The following CTNNA3 variants were observed in gnomAD, a reference collection of about 807,000 sequenced individuals.
The protein encoded by CTNNA3 is catenin alpha 3, also known as catenin alpha-3.
CTNNA3 carries 76 observed loss-of-function variants against 95.7 expected under a neutral mutation model. That is an observed-to-expected ratio of 0.79 (90% CI 0.66 to 0.96). The LOEUF (loss-of-function observed/expected upper bound fraction) is 0.96. Ranked by LOEUF, CTNNA3 falls within the 40% of genes least tolerant of loss-of-function variation. The probability of loss-of-function intolerance (pLI) is 0.00; values close to 1 mark genes in which losing one functional copy is unlikely to be tolerated. For synonymous variants in CTNNA3, 431 were observed against 374.4 expected (o/e 1.15, Z -1.74); for missense variants, 1,191 against 1,089.8 (o/e 1.09, Z -1.31).
At chr10:67,024,646 C>T (rs549850033) in intron 7 of CTNNA3, among the ~76,000 whole-genome samples, 1 of 152,172 alleles carries the variant, frequency 6.6e-6, no homozygotes, top group Admixed American at 6.5e-5. Context: ...ATGGGTGTAA[C>T]CAGCAAAAGT....
intron 12 of CTNNA3, among the ~76,000 whole-genome samples, chr10:66,353,610 AT>A (rs2092584006): frequency 6.6e-6 from 1 of 152,122 alleles, no homozygotes; most frequent in Admixed American, 6.5e-5. Context: ...ATCTACATAA[AT>A]TAGGTCAGAC....
At chr10:66,601,011 G>T (rs1337690869) in intron 10 of CTNNA3, among the ~76,000 whole-genome samples, 2 of 151,684 alleles carry the variant, frequency 1.3e-5, no homozygotes, top group African/African-American at 4.8e-5. Flanking sequence ...TTTAACTTTG[G>T]AGTAGTCACC....
intron 9 of CTNNA3, among the ~76,000 whole-genome samples, chr10:66,743,451 G>A (rs965115407): frequency 6.6e-6 from 1 of 152,092 alleles, no homozygotes. Context: ...AATATTTTCT[G>A]AAAATATGAG....
chr10:67,588,921 C>A (rs1156442935), intron 3 of CTNNA3, among the ~76,000 whole-genome samples: 1 of 151,620 alleles, frequency 6.6e-6, no homozygotes, highest in Admixed American at 6.6e-5. Flanking sequence ...AATCTCTTTA[C>A]TTTTTTTCCT....
intron 3 of CTNNA3, among the ~76,000 whole-genome samples, chr10:67,582,671 C>T (rs556680009): frequency 5.0e-4 from 76 of 150,992 alleles, no homozygotes; most frequent in Middle Eastern, 3.4e-3. Context: ...TTTAAGTCTC[C>T]CATTATTATT....
intron 7 of CTNNA3, among the ~76,000 whole-genome samples, chr10:67,172,872 G>T (rs1862076246): frequency 6.6e-6 from 1 of 151,918 alleles, no homozygotes; most frequent in African/African-American, 2.4e-5. Context: ...CTGCTCGAAA[G>T]GCTGAGGCAG....
At chr10:67,253,802 A>C (rs558731750) in intron 5 of CTNNA3, among the ~76,000 whole-genome samples, 2 of 152,338 alleles carry the variant, frequency 1.3e-5, no homozygotes, top group South Asian at 2.1e-4. Context: ...GCACAATACC[A>C]AGGCCAAATT....
intron 5 of CTNNA3, among the ~76,000 whole-genome samples, chr10:67,358,167 A>G (rs1360273957): frequency 2.0e-5 from 3 of 152,164 alleles, no homozygotes; most frequent in Non-Finnish European, 4.4e-5. Context: ...TTTAGAGTTA[A>G]TACTTTAACT....
At chr10:66,837,000 T>A (rs1454691168) in intron 7 of CTNNA3, among the ~76,000 whole-genome samples, 1 of 152,128 alleles carries the variant, frequency 6.6e-6, no homozygotes. Context: ...AGCCTTTGAA[T>A]AATCAAAAGG....
intron 5 of CTNNA3, among the ~76,000 whole-genome samples, chr10:67,222,080 A>T (rs1205561439): frequency 2.0e-5 from 3 of 151,998 alleles, no homozygotes; most frequent in East Asian, 3.9e-4. Context: ...TTTTCACAAG[A>T]CTCTGCTACT....
At chr10:67,731,927 A>ATT (rs751096712) in intron 1 of CTNNA3, among the ~76,000 whole-genome samples, 45 of 133,758 alleles carry the variant, frequency 3.4e-4, no homozygotes, top group African/African-American at 1.3e-3. Flanking sequence ...AGCCCGGCTA[A>ATT]TTTTTTTTGT....
intron 10 of CTNNA3, among the ~76,000 whole-genome samples, chr10:66,529,327 T>C (rs935955373): frequency 3.3e-5 from 5 of 152,098 alleles, no homozygotes; most frequent in Non-Finnish European, 7.4e-5. Flanking sequence ...ATATGGGGTT[T>C]CACCATGTTG....
intron 9 of CTNNA3, among the ~76,000 whole-genome samples, chr10:66,631,907 T>A (rs1196188969): frequency 6.6e-6 from 1 of 151,980 alleles, no homozygotes; most frequent in Non-Finnish European, 1.5e-5. Context: ...AGAATGAATG[T>A]GAGATGAATA....
chr10:67,579,299 C>A (rs930235943), intron 3 of CTNNA3, among the ~76,000 whole-genome samples: 4 of 148,162 alleles, frequency 2.7e-5, no homozygotes, highest in African/African-American at 5.0e-5. Context: ...TGAGAACATG[C>A]GGTCTTTGGT....
At chr10:67,656,726 G>A (rs1840035191) in intron 1 of CTNNA3, among the ~76,000 whole-genome samples, 1 of 151,886 alleles carries the variant, frequency 6.6e-6, no homozygotes, top group Admixed American at 6.6e-5. Context: ...AGACAGCCGG[G>A]GGAAGAGCAC....
At chr10:66,651,869 C>A (rs1845918744) in intron 9 of CTNNA3, among the ~76,000 whole-genome samples, 1 of 151,304 alleles carries the variant, frequency 6.6e-6, no homozygotes, top group African/African-American at 2.4e-5. Flanking sequence ...CCTGCCTCGG[C>A]CAGCCCAGAG....
At chr10:66,003,151 A>G (rs2078803718) in intron 15 of CTNNA3, among the ~76,000 whole-genome samples, 1 of 152,210 alleles carries the variant, frequency 6.6e-6, no homozygotes, top group Non-Finnish European at 1.5e-5. Flanking sequence ...ATCTATTATT[A>G]AAAACAAAAA....
intron 7 of CTNNA3, among the ~76,000 whole-genome samples, chr10:67,095,411 C>G (rs1175346311): frequency 6.6e-6 from 1 of 151,664 alleles, no homozygotes; most frequent in African/African-American, 2.4e-5. Flanking sequence ...ACATATCCAA[C>G]AGTAAGAAAC....
chr10:67,401,708 A>G (rs1290049253), intron 5 of CTNNA3, among the ~76,000 whole-genome samples: 2 of 152,172 alleles, frequency 1.3e-5, no homozygotes, highest in Non-Finnish European at 2.9e-5. Flanking sequence ...TCCCCCTTGC[A>G]CTGCAGAACA....
Sources: allele counts gnomAD v4.1 joint callset (sites outside exome capture counted in the v4.1 genomes callset), GRCh38; gene constraint gnomAD v4.1.1; transcripts MANE v1.5; gene names NCBI Gene and HGNC (gene_info 2026-07-23, HGNC 2026-07-21).